Variants in NELL2 observed in about 807,000 individuals in gnomAD.
NELL2 encodes protein kinase C-binding protein NELL2.
Under a neutral mutation model 109.6 loss-of-function variants are expected in NELL2, and 41 were observed. That is an observed-to-expected ratio of 0.37 (90% CI 0.29 to 0.49). NELL2 has a LOEUF of 0.49. NELL2 is among the 20% of genes least tolerant of loss of function. The pLI is 0.98. For missense variants in NELL2, 900 were observed against 1,008.3 expected (o/e 0.89, Z 1.45); for synonymous variants, 355 against 344.7 (o/e 1.03, Z -0.33).
At chr12:44,640,701 A>G (rs1015355461) in intron 13 of NELL2, among the ~76,000 whole-genome samples, 4 of 152,030 alleles carry the variant, frequency 2.6e-5, no homozygotes, top group Non-Finnish European at 5.9e-5. Flanking sequence ...TTACCATATT[A>G]TTCATATAGA....
intron 2 of NELL2, among the ~76,000 whole-genome samples, chr12:44,830,892 C>CCT (rs1382913240): frequency 6.6e-6 from 1 of 151,676 alleles, no homozygotes; most frequent in Non-Finnish European, 1.5e-5. Flanking sequence ...TCATTCTCTC[C>CCT]CTCTCTCTCT....
chr12:44,892,690 CG>C (rs1945547968), intron 1 of NELL2, among the ~76,000 whole-genome samples: 1 of 147,674 alleles, frequency 6.8e-6, no homozygotes, highest in African/African-American at 2.5e-5. Context: ...CCCAGCTACT[CG>C]GGAGGCTGAG....
At chr12:44,882,337 A>C (rs968275712) in intron 1 of NELL2, among the ~76,000 whole-genome samples, 1 of 151,650 alleles carries the variant, frequency 6.6e-6, no homozygotes, top group African/African-American at 2.4e-5. Context: ...ATATATATGT[A>C]TGTATATATA....
At chr12:44,732,842 G>A (rs537852320) in intron 9 of NELL2, among the ~76,000 whole-genome samples, 1 of 151,906 alleles carries the variant, frequency 6.6e-6, no homozygotes, top group Non-Finnish European at 1.5e-5. Flanking sequence ...AATTTCCACA[G>A]CTCAATGGCA....
At chr12:44,841,178 T>C (rs1287174668) in intron 2 of NELL2, among the ~76,000 whole-genome samples, 1 of 152,232 alleles carries the variant, frequency 6.6e-6, no homozygotes, top group African/African-American at 2.4e-5. Context: ...ATTGGCAGGC[T>C]ATGTAGTATG....
intron 3 of NELL2, among the ~76,000 whole-genome samples, chr12:44,806,680 T>C (rs1332289083): frequency 6.6e-6 from 1 of 151,866 alleles, no homozygotes; most frequent in African/African-American, 2.4e-5. Flanking sequence ...TACTGATTAC[T>C]ATACATTTTG....
intron 1 of NELL2, among the ~76,000 whole-genome samples, chr12:44,889,211 G>A (rs1945507220): frequency 6.6e-6 from 1 of 152,016 alleles, no homozygotes; most frequent in Non-Finnish European, 1.5e-5. Flanking sequence ...AAGAGAACTG[G>A]AAATGTAAAT....
intron 12 of NELL2, among the ~76,000 whole-genome samples, chr12:44,688,478 G>A (rs370803824): frequency 1.4e-4 from 22 of 152,160 alleles, no homozygotes; most frequent in African/African-American, 4.3e-4. Context: ...ATTTTTAATC[G>A]TACTTAATCT....
chr12:44,894,589 T>C (rs1945572568), intron 1 of NELL2, among the ~76,000 whole-genome samples: 2 of 152,204 alleles, frequency 1.3e-5, no homozygotes, highest in African/African-American at 4.8e-5. Context: ...GCATCTTCTT[T>C]TGATAAAAAG....
intron 9 of NELL2, among the ~76,000 whole-genome samples, chr12:44,738,011 G>A (rs1249715753): frequency 2.6e-5 from 4 of 152,078 alleles, no homozygotes; most frequent in Non-Finnish European, 1.5e-5. Flanking sequence ...ACTTCATAAA[G>A]AACAAATGAA....
At chr12:44,513,544 T>A (rs1941097327) in intron 19 of NELL2, among the ~76,000 whole-genome samples, 1 of 151,814 alleles carries the variant, frequency 6.6e-6, no homozygotes, top group Non-Finnish European at 1.5e-5. Flanking sequence ...TCATAATGAA[T>A]GAATAAATGG....
At chr12:44,645,104 GA>G (rs1287824133) in intron 13 of NELL2, among the ~76,000 whole-genome samples, 1 of 152,004 alleles carries the variant, frequency 6.6e-6, no homozygotes, top group African/African-American at 2.4e-5. Flanking sequence ...GAAGAAAAAA[GA>G]AGACTGAAAT....
At chr12:44,791,777 T>C (rs183752266) in intron 3 of NELL2, among the ~76,000 whole-genome samples, 1 of 152,222 alleles carries the variant, frequency 6.6e-6, no homozygotes, top group East Asian at 1.9e-4. Flanking sequence ...TATTTAAATG[T>C]AGATATGTTA....
chr12:44,715,912 T>C (rs1938461079), intron 9 of NELL2, among the ~76,000 whole-genome samples: 1 of 152,138 alleles, frequency 6.6e-6, no homozygotes. Context: ...ACTATCAACT[T>C]GCCAATAATA....
At chr12:44,673,371 T>G (rs144060530) in intron 12 of NELL2, among the ~76,000 whole-genome samples, 1 of 152,294 alleles carries the variant, frequency 6.6e-6, no homozygotes, top group Non-Finnish European at 1.5e-5. Context: ...CACAATTCAT[T>G]TTCAATTCTC....
At chr12:44,901,331 C>A (rs1461061680) in intron 1 of NELL2, among the ~76,000 whole-genome samples, 1 of 152,138 alleles carries the variant, frequency 6.6e-6, no homozygotes, top group Non-Finnish European at 1.5e-5. Flanking sequence ...CACATACACC[C>A]TCCCAAGACT....
intron 9 of NELL2, among the ~76,000 whole-genome samples, chr12:44,766,510 A>C (rs2136562848): frequency 6.6e-6 from 1 of 152,306 alleles, no homozygotes; most frequent in African/African-American, 2.4e-5. Context: ...TCAAAATGCA[A>C]TTTTGTATTA....
At chr12:44,726,268 A>T (rs952939613) in intron 9 of NELL2, among the ~76,000 whole-genome samples, 5 of 152,044 alleles carry the variant, frequency 3.3e-5, no homozygotes, top group Admixed American at 2.6e-4. Context: ...ATCATCAGGA[A>T]CTCCGCTAGA....
chr12:44,815,957 A>T, intron 3 of NELL2, 29 bp downstream of exon 3: 1 of 1,595,124 alleles, frequency 6.3e-7, no homozygotes, highest in Non-Finnish European at 8.5e-7. Context: ...TATAATGAAA[A>T]CACAGGAAAC....
Sources: allele counts gnomAD v4.1 joint callset (sites outside exome capture counted in the v4.1 genomes callset), GRCh38; gene constraint gnomAD v4.1.1; transcripts MANE v1.5; gene names NCBI Gene and HGNC (gene_info 2026-07-23, HGNC 2026-07-21).